The following CUX1 variants were observed in gnomAD, a reference collection of about 807,000 sequenced individuals.
The protein encoded by CUX1 is protein CASP.
Under a neutral mutation model 158.8 loss-of-function variants are expected in CUX1, and 31 were observed. That is an observed-to-expected ratio of 0.20 (90% CI 0.15 to 0.26). The LOEUF is 0.26. CUX1 is among the 10% of genes least tolerant of loss of function. The pLI is 1.00. For missense variants in CUX1, 1,589 were observed against 2,014.6 expected (o/e 0.79, Z 4.04); for synonymous variants, 879 against 862.1 (o/e 1.02, Z -0.34).
chr7:102,276,621 T>C (rs1212934447), intron 17 of CUX1, among the ~76,000 whole-genome samples: 1 of 152,188 alleles, frequency 6.6e-6, no homozygotes, highest in Non-Finnish European at 1.5e-5. Flanking sequence ...TTTTGAATAG[T>C]GTGAAAGAAA....
At chr7:101,844,414 A>G (rs184049855) in intron 1 of CUX1, among the ~76,000 whole-genome samples, 138 of 152,288 alleles carry the variant, frequency 9.1e-4, no homozygotes, top group African/African-American at 3.0e-3. Context: ...TTTAAGTGAT[A>G]CATTAGCTGG....
At chr7:102,218,411 T>C (rs527461037) in intron 20 of CUX1, among the ~76,000 whole-genome samples, 39 of 152,298 alleles carry the variant, frequency 2.6e-4, no homozygotes, top group Non-Finnish European at 5.0e-4. Context: ...GGGCCAGATA[T>C]GGTGGCTCAT....
chr7:102,070,190 T>G (rs1403904784), intron 3 of CUX1, 149 bp from the exon 4 acceptor site: 11 of 641,850 alleles, frequency 1.7e-5, no homozygotes, highest in Admixed American at 3.0e-5. Context: ...CCTTTTGTGT[T>G]TGCAGGCATT....
At chr7:101,992,805 C>T (rs933593350) in intron 2 of CUX1, among the ~76,000 whole-genome samples, 7 of 151,966 alleles carry the variant, frequency 4.6e-5, no homozygotes, top group African/African-American at 1.7e-4. Context: ...ACCCCCGCCC[C>T]GCCGGATTAT....
intron 21 of CUX1, among the ~76,000 whole-genome samples, chr7:102,232,240 G>C (rs1799083617): frequency 6.6e-6 from 1 of 152,012 alleles, no homozygotes; most frequent in South Asian, 2.1e-4. Context: ...CAGCTACTCG[G>C]GATGCTGAGG....
chr7:102,061,076 C>T (rs1023419961), intron 3 of CUX1, among the ~76,000 whole-genome samples: 1 of 151,764 alleles, frequency 6.6e-6, no homozygotes, highest in East Asian at 1.9e-4. Context: ...AGGTGTCCAC[C>T]ACCATGCCTG....
At chr7:102,193,924 T>TCAGC in intron 13 of CUX1, 34 bp downstream of exon 13, 1 of 1,608,440 alleles carries the variant, frequency 6.2e-7, no homozygotes, top group Non-Finnish European at 8.5e-7. Flanking sequence ...AGCACTAGCA[T>TCAGC]CAGCCCCGCT....
At chr7:102,007,945 A>G (rs1369779843) in intron 2 of CUX1, among the ~76,000 whole-genome samples, 1 of 151,976 alleles carries the variant, frequency 6.6e-6, no homozygotes, top group Non-Finnish European at 1.5e-5. Flanking sequence ...AGGTTTCACC[A>G]TGTTGGTCAG....
intron 9 of CUX1, among the ~76,000 whole-genome samples, chr7:102,166,759 A>C (rs1180811734): frequency 6.6e-6 from 1 of 152,166 alleles, no homozygotes; most frequent in Non-Finnish European, 1.5e-5. Context: ...TCACCACACA[A>C]ACCACCTCAA....
chr7:102,186,601 T>TTA (rs1793653793), intron 11 of CUX1, among the ~76,000 whole-genome samples: 2 of 148,636 alleles, frequency 1.3e-5, no homozygotes, highest in African/African-American at 2.5e-5. Context: ...ATATATTTTT[T>TTA]TTTATTTATG....
At chr7:101,968,459 G>C (rs1296460625) in intron 2 of CUX1, among the ~76,000 whole-genome samples, 1 of 151,900 alleles carries the variant, frequency 6.6e-6, no homozygotes, top group Non-Finnish European at 1.5e-5. Flanking sequence ...GTCTCGCCCT[G>C]TTGCCCAGGC....
At chr7:102,092,291 C>G (rs1414372552) in intron 4 of CUX1, among the ~76,000 whole-genome samples, 1 of 152,206 alleles carries the variant, frequency 6.6e-6, no homozygotes. Context: ...CTCACTATGC[C>G]TTGACCATGC....
intron 1 of CUX1, among the ~76,000 whole-genome samples, chr7:101,879,655 T>C (rs950963901): frequency 1.3e-5 from 2 of 152,152 alleles, no homozygotes; most frequent in Non-Finnish European, 2.9e-5. Context: ...CTCTCCCGGC[T>C]GGCCCAGTTG....
intron 20 of CUX1, among the ~76,000 whole-genome samples, chr7:102,212,739 C>T (rs868974256): frequency 1.4e-5 from 2 of 146,360 alleles, no homozygotes; most frequent in African/African-American, 5.0e-5. Context: ...ATTTATTCCA[C>T]GCAGATGGGG....
chr7:102,210,853 C>T (rs1796437488), intron 20 of CUX1, among the ~76,000 whole-genome samples: 1 of 152,156 alleles, frequency 6.6e-6, no homozygotes. Context: ...TGACCTTGTA[C>T]AACCAGGAGA....
chr7:101,861,697 A>C (rs1314729431), intron 1 of CUX1, among the ~76,000 whole-genome samples: 2 of 151,826 alleles, frequency 1.3e-5, no homozygotes, highest in African/African-American at 4.8e-5. Context: ...AGATTTCTGC[A>C]TGCCCAGGCT....
chr7:102,208,598 C>T (rs761870294), intron 20 of CUX1, among the ~76,000 whole-genome samples: 3 of 152,042 alleles, frequency 2.0e-5, no homozygotes, highest in Non-Finnish European at 4.4e-5. Context: ...TTTAGTAAAT[C>T]CTTGGGATTA....
chr7:101,889,796 C>G (rs1187768564), intron 1 of CUX1, among the ~76,000 whole-genome samples: 1 of 152,090 alleles, frequency 6.6e-6, no homozygotes, highest in Non-Finnish European at 1.5e-5. Context: ...CAAATAAATA[C>G]ATCTGGTGCA....
At chr7:102,188,864 G>T (rs541818053) in intron 11 of CUX1, 1 of 151,570 alleles carries the variant, frequency 6.6e-6, no homozygotes, top group Admixed American at 6.6e-5. Flanking sequence ...AAGGAAACAG[G>T]CCACATCAAT....
Sources: allele counts gnomAD v4.1 joint callset (sites outside exome capture counted in the v4.1 genomes callset), GRCh38; gene constraint gnomAD v4.1.1; transcripts MANE v1.5; gene names NCBI Gene and HGNC (gene_info 2026-07-23, HGNC 2026-07-21).